PCDHA6: variants seen among roughly 807,000 people sequenced by gnomAD.
The protein encoded by PCDHA6 is protocadherin alpha 6.
In PCDHA6, 55 loss-of-function variants were observed where a neutral mutation model predicts 60.3. The ratio of observed to expected loss-of-function variants is 0.91; its 90% CI spans 0.73 to 1.14. PCDHA6 has a LOEUF of 1.14. Ranked by LOEUF, PCDHA6 falls within the 50% of genes most tolerant of loss-of-function variation. The probability of loss-of-function intolerance (pLI) is 0.00; values close to 1 mark genes in which losing one functional copy is unlikely to be tolerated. For missense variants in PCDHA6, 1,327 were observed against 1,256.5 expected (o/e 1.06, Z -0.85); for synonymous variants, 652 against 557.9 (o/e 1.17, Z -2.38).
At chr5:140,860,617 A>G (rs2046479685) in intron 1 of PCDHA6, 1 of 152,238 alleles carries the variant, frequency 6.6e-6, no homozygotes, top group Non-Finnish European at 1.5e-5. Context: ...GAGAAACATA[A>G]ACATATGCAG....
rs566250084 is a variant in PCDHA6 at position 140,877,055 on chromosome 5, T to G, written c.2394+46570T>G. The G allele has an allele frequency of 2.5e-6, 4 of 1,612,792 alleles. No homozygotes were observed. In the East Asian group the frequency reaches 8.9e-5, roughly 36 times the overall value. On this transcript the variant is annotated intron_variant, in intron 1 of 3. Coordinates refer to ENST00000529310, the MANE Select transcript of PCDHA6 (RefSeq NM_018909.4). ...CTGCAGCCGCTAGACCACGAGGAGC[T>G]GGAGCTGCTGCAGTTCCAGGTGAGC...
intron 1 of PCDHA6, chr5:140,843,270 T>C (rs1198092649): frequency 1.3e-6 from 2 of 1,595,942 alleles, no homozygotes; most frequent in African/African-American, 2.7e-5. Context: ...CTGCTGGTCC[T>C]GGTGAAGGAT....
rs1554163586 is a variant in PCDHA6, at chr5:140,869,907, C to T, written c.2394+39422C>T. ...TTGTGCTCAAACTAAACGCCACAGA[C>T]CGAGACGAAGGAGTCAATGGAGAGG... is the stretch of plus-strand genomic sequence containing the variant. On this transcript the variant is annotated intron_variant, in intron 1 of 3. Transcript: ENST00000529310. 1.9e-6 allele frequency: 3 copies of T among 1,610,738 alleles called. No individual in the cohort carries two copies. The East Asian group carries it at 6.7e-5, about 36-fold the overall frequency.
intron 1 of PCDHA6, chr5:140,849,768 G>C (rs2150449044): frequency 6.3e-7 from 1 of 1,598,502 alleles, no homozygotes; most frequent in East Asian, 2.2e-5. Context: ...CGAGCTGGTG[G>C]TTACCGCGCG....
chr5:141,003,708 A>T (rs1251126675), intron 3 of PCDHA6, among the ~76,000 whole-genome samples: 1 of 152,218 alleles, frequency 6.6e-6, no homozygotes, highest in Non-Finnish European at 1.5e-5. Flanking sequence ...CCAATTGTGA[A>T]GATATCGGCT....
At chr5:140,969,601 T>C (rs2096345611) in intron 1 of PCDHA6, 1 of 772,836 alleles carries the variant, frequency 1.3e-6, no homozygotes, top group African/African-American at 1.8e-5. Flanking sequence ...TATTTAATGC[T>C]AAAACACAGA....
chr5:140,874,010 T>C (rs1002287481), intron 1 of PCDHA6, among the ~76,000 whole-genome samples: 7 of 152,208 alleles, frequency 4.6e-5, no homozygotes, highest in Non-Finnish European at 8.8e-5. Context: ...TTGACCACTT[T>C]TGAAAATGAA....
intron 1 of PCDHA6, chr5:140,884,656 G>C (rs782439139): frequency 1.9e-6 from 3 of 1,602,178 alleles, no homozygotes; most frequent in Admixed American, 1.7e-5. Context: ...CAGAATGCTT[G>C]AAAGAGGTAA....
intron 3 of PCDHA6, among the ~76,000 whole-genome samples, chr5:141,007,259 G>A (rs2098311634): frequency 6.6e-6 from 1 of 151,998 alleles, no homozygotes; most frequent in Non-Finnish European, 1.5e-5. Flanking sequence ...GTTAAAAGAA[G>A]CAGATACAGG....
intron 1 of PCDHA6, chr5:140,966,228 A>G: frequency 3.6e-6 from 1 of 275,386 alleles, no homozygotes; most frequent in Admixed American, 5.3e-5. Context: ...AATCTCCTTA[A>G]AGACCCGTTA....
intron 1 of PCDHA6, among the ~76,000 whole-genome samples, chr5:140,889,098 T>C (rs1252119447): frequency 6.6e-6 from 1 of 152,012 alleles, no homozygotes; most frequent in African/African-American, 2.4e-5. Flanking sequence ...AACAATTTTT[T>C]CATCTTTATT....
At chr5:140,909,868 G>A (rs782144709) in intron 1 of PCDHA6, among the ~76,000 whole-genome samples, 9 of 152,136 alleles carry the variant, frequency 5.9e-5, no homozygotes, top group Non-Finnish European at 8.8e-5. Flanking sequence ...TGGAGTCAAC[G>A]TCAGCTTAGA....
At chr5:140,873,477 G>T (rs1351179000) in intron 1 of PCDHA6, among the ~76,000 whole-genome samples, 1 of 151,984 alleles carries the variant, frequency 6.6e-6, no homozygotes, top group Non-Finnish European at 1.5e-5. Flanking sequence ...AAATTACTTG[G>T]ACTGATTTCT....
chr5:140,965,678 T>C (rs937496921), intron 1 of PCDHA6, among the ~76,000 whole-genome samples: 1 of 152,182 alleles, frequency 6.6e-6, no homozygotes, highest in Non-Finnish European at 1.5e-5. Context: ...ATGTAAAAGA[T>C]TTGAAGCAAG....
chr5:140,926,812 G>C, intron 1 of PCDHA6: 3 of 1,459,082 alleles, frequency 2.1e-6, no homozygotes, highest in Non-Finnish European at 1.8e-6. Flanking sequence ...CCCGCGGCTC[G>C]TGCTCTCCAG....
chr5:140,967,565 C>A, intron 1 of PCDHA6: 1 of 1,614,080 alleles, frequency 6.2e-7, no homozygotes, highest in Non-Finnish European at 8.5e-7. Context: ...CGTCCAGCTA[C>A]GGGAGGACTC....
intron 1 of PCDHA6, chr5:140,877,810 C>G (rs782370638): frequency 3.1e-6 from 5 of 1,610,364 alleles, no homozygotes; most frequent in Admixed American, 3.4e-5. Context: ...TCAGCTGTCT[C>G]GAGAAGATTG....
intron 1 of PCDHA6, among the ~76,000 whole-genome samples, chr5:140,873,969 A>T (rs1438036244): frequency 6.6e-6 from 1 of 152,224 alleles, no homozygotes; most frequent in Non-Finnish European, 1.5e-5. Context: ...CCTATTTTTT[A>T]AAATTAAAGT....
chr5:140,834,137 A>G, intron 1 of PCDHA6: 1 of 496,492 alleles, frequency 2.0e-6, no homozygotes. Context: ...TCATCTGATT[A>G]ATAGTTTGTA....
Sources: allele counts gnomAD v4.1 joint callset (sites outside exome capture counted in the v4.1 genomes callset), GRCh38; gene constraint gnomAD v4.1.1; transcripts MANE v1.5; gene names NCBI Gene and HGNC (gene_info 2026-07-23, HGNC 2026-07-21).